ODF2: variants seen among roughly 807,000 people sequenced by gnomAD.
ODF2 encodes outer dense fiber of sperm tails 2, also known as outer dense fiber protein 2.
In ODF2, 47 loss-of-function variants were observed where a neutral mutation model predicts 110.2. That is an observed-to-expected ratio of 0.43 (90% CI 0.34 to 0.54). ODF2 has a LOEUF of 0.54. Ranked by LOEUF, ODF2 falls within the 20% of genes least tolerant of loss-of-function variation. The pLI is 0.03. For synonymous variants in ODF2, 352 were observed against 397.7 expected (o/e 0.89, Z 1.37); for missense variants, 812 against 1,054.5 (o/e 0.77, Z 3.19).
At chr9:128,465,897 T>C (rs1362453002) in intron 4 of ODF2, among the ~76,000 whole-genome samples, 1 of 152,188 alleles carries the variant, frequency 6.6e-6, no homozygotes, top group African/African-American at 2.4e-5. Context: ...CCCAGCACTT[T>C]GGGAGGCCGA....
intron 8 of ODF2, among the ~76,000 whole-genome samples, chr9:128,475,539 C>T (rs917963480): frequency 9.2e-5 from 14 of 152,144 alleles, no homozygotes; most frequent in Non-Finnish European, 1.6e-4. Context: ...CCATGTTGAA[C>T]AATTTCTCCT....
intron 4 of ODF2, among the ~76,000 whole-genome samples, chr9:128,465,957 T>A (rs958396108): frequency 2.0e-5 from 3 of 151,430 alleles, no homozygotes; most frequent in African/African-American, 7.3e-5. Context: ...CTAGCCAACA[T>A]GGCGAAACCC....
chr9:128,467,014 A>AATATATATAT (rs1387586322), intron 4 of ODF2, among the ~76,000 whole-genome samples: 12 of 24,784 alleles, frequency 4.8e-4, no homozygotes, highest in Admixed American at 8.1e-4. Flanking sequence ...AAAAAAAAAA[A>AATATATATAT]ATATATATAT....
chr9:128,460,408 G>A, intron 3 of ODF2, 142 bp from the exon 3 acceptor site: 1 of 1,450,316 alleles, frequency 6.9e-7, no homozygotes, highest in Non-Finnish European at 9.2e-7. Context: ...CTCCCTGCCT[G>A]CATGCCAGTA....
intron 15 of ODF2, 38 bp downstream of exon 15, chr9:128,492,574 C>A: frequency 1.3e-6 from 2 of 1,526,598 alleles, no homozygotes; most frequent in Non-Finnish European, 9.0e-7. Context: ...CTGAGCAGTG[C>A]CCTCCCTGCC....
At chr9:128,496,731 T>TATCTATCTATCTATC (rs1554856313) in intron 18 of ODF2, among the ~76,000 whole-genome samples, 22 of 152,098 alleles carry the variant, frequency 1.4e-4, no homozygotes, top group Admixed American at 9.8e-4. Context: ...TCTATCTATC[T>TATCTATCTATCTATC]ATCTATCTAT....
chr9:128,465,952 C>T (rs558781813), intron 4 of ODF2, among the ~76,000 whole-genome samples: 2 of 151,804 alleles, frequency 1.3e-5, no homozygotes, highest in Admixed American at 1.3e-4. Context: ...CCAGCCTAGC[C>T]AACATGGCGA....
intron 19 of ODF2, 25 bp from the exon 20 acceptor site, chr9:128,498,976 C>T (rs372990682): frequency 3.7e-6 from 6 of 1,612,206 alleles, no homozygotes; most frequent in Non-Finnish European, 4.2e-6. Flanking sequence ...AAACCAGTCT[C>T]ATGTCTGGGC....
chr9:128,486,511 A>C (rs1351340805), intron 13 of ODF2, among the ~76,000 whole-genome samples: 2 of 152,206 alleles, frequency 1.3e-5, no homozygotes, highest in African/African-American at 4.8e-5. Flanking sequence ...GGTGGACTGT[A>C]ATTGGTCAAT....
intron 8 of ODF2, among the ~76,000 whole-genome samples, chr9:128,476,333 G>A (rs1232477671): frequency 1.3e-5 from 2 of 152,114 alleles, no homozygotes; most frequent in African/African-American, 4.8e-5. Flanking sequence ...TCTTGCCCAG[G>A]CTGGAGTGCA....
chr9:128,467,397 C>T (rs1411144088), intron 4 of ODF2, among the ~76,000 whole-genome samples: 1 of 151,958 alleles, frequency 6.6e-6, no homozygotes, highest in Non-Finnish European at 1.5e-5. Context: ...ACTGTTTATA[C>T]ATTTTCCTAT....
At chr9:128,465,981 A>G (rs1027133204) in intron 4 of ODF2, among the ~76,000 whole-genome samples, 2 of 151,652 alleles carry the variant, frequency 1.3e-5, no homozygotes, top group African/African-American at 4.8e-5. Flanking sequence ...CTCTACTAAA[A>G]ATACAAAAAT....
At chr9:128,460,845 C>T (rs1836260575) in intron 3 of ODF2, 97 bp from the exon 4 acceptor site, 1 of 1,557,260 alleles carries the variant, frequency 6.4e-7, no homozygotes, top group African/African-American at 1.4e-5. Context: ...TAACATTAGT[C>T]AGAAGAGGCA....
At chr9:128,498,345 G>GCCC in intron 18 of ODF2, 68 bp from the exon 19 acceptor site, 1 of 1,437,170 alleles carries the variant, frequency 7.0e-7, no homozygotes, top group Non-Finnish European at 9.1e-7. Flanking sequence ...GAGGCTGGCA[G>GCCC]CCCCCTGGCG....
At chr9:128,486,631 T>C (rs1159789382) in intron 13 of ODF2, among the ~76,000 whole-genome samples, 1 of 152,206 alleles carries the variant, frequency 6.6e-6, no homozygotes, top group Non-Finnish European at 1.5e-5. Context: ...CTCTGCTCTT[T>C]GACTGATGAT....
At chr9:128,458,793 C>T (rs1415327669) in intron 2 of ODF2, among the ~76,000 whole-genome samples, 13 of 152,054 alleles carry the variant, frequency 8.5e-5, no homozygotes, top group Admixed American at 6.6e-5. Flanking sequence ...GAGTGTGCGT[C>T]ACAGTGACCT....
chr9:128,455,932 CCGGCCAGGCCCGCTGGA>C, upstream of ODF2: 1 of 1,399,366 alleles, frequency 7.1e-7, no homozygotes, highest in East Asian at 2.7e-5. Flanking sequence ...GGGGCGAGAC[CCGGCCAGGCCCGCTGGA>C]CGCGTAGCAC....
At chr9:128,482,595 T>A (rs113139969) in intron 9 of ODF2, among the ~76,000 whole-genome samples, 68 of 152,364 alleles carry the variant, frequency 4.5e-4, no homozygotes, top group African/African-American at 1.6e-3. Flanking sequence ...TTTTCTACAG[T>A]TAACATTGCT....
chr9:128,461,442 A>C (rs1337042643), intron 4 of ODF2: 1 of 186,984 alleles, frequency 5.3e-6, no homozygotes, highest in Admixed American at 5.3e-5. Context: ...TTTTTGAGAC[A>C]GAGCCTTGCT....
Sources: gnomAD v4.1 joint callset for allele counts (sites outside exome capture counted in the v4.1 genomes callset) on GRCh38, gnomAD v4.1.1 for gene constraint, MANE v1.5 for transcripts, NCBI Gene and HGNC (gene_info 2026-07-23, HGNC 2026-07-21) for gene names.